The following AKT1 variants were observed in gnomAD, a reference collection of about 807,000 sequenced individuals.
AKT1 encodes AKT serine/threonine kinase 1, also known as RAC-alpha serine/threonine-protein kinase.
A neutral mutation model predicts 63.1 loss-of-function variants in AKT1; 21 were observed. The ratio of observed to expected loss-of-function variants is 0.33; its 90% CI spans 0.24 to 0.48. AKT1 has a LOEUF of 0.48. Among genes scored for constraint, AKT1 ranks in the 20% least tolerant of loss-of-function variants. The pLI is 0.99. For synonymous variants in AKT1, 257 were observed against 253.1 expected (o/e 1.02, Z -0.15); for missense variants, 382 against 666.0 (o/e 0.57, Z 4.69).
At chr14:104,782,133 G>A (rs2498791) in intron 3 of AKT1, among the ~76,000 whole-genome samples, 114 of 151,468 alleles carry the variant, frequency 7.5e-4, no homozygotes, top group Admixed American at 1.8e-3. Flanking sequence ...AGGCAGGGGC[G>A]CTCAGTGAGA....
chr14:104,792,937 T>C, intron 2 of AKT1, 190 bp downstream of exon 2: 5 of 572,534 alleles, frequency 8.7e-6, no homozygotes, highest in Admixed American at 6.1e-5. Context: ...GTCAAATCCA[T>C]GTAATTGAAC....
In AKT1 at chr14:104,777,228, AGCACACCCACACCTGGG is replaced by A. The variant is rs1239133118; in HGVS notation, c.176-475_176-459del. On this transcript the variant is annotated intron_variant, in intron 4 of 14. Coordinates refer to ENST00000649815, the MANE Select transcript of AKT1 (RefSeq NM_001382430.1). ...GTACCTGGGAAATACAGCCACCTGG[AGCACACCCACACCTGGG>A]GCACACCCACACCTGGGGCACAGGC... 2.2e-3 allele frequency: 416 copies of A among 187,402 alleles called. 2 individuals are homozygous for A. The highest frequency in any genetic ancestry group is 7.2e-3 in the African/African-American group (284 of 39,216). The allele number at this position is 187,402 out of a possible 1,614,324, so 11.6% of individuals were successfully genotyped here. A position where few individuals can be genotyped will look rare whatever the true frequency, so the allele number is the denominator to read the frequency against.
In AKT1 at chr14:104,780,318, A is replaced by G. The variant is rs35586636; in HGVS notation, c.47-102T>C. 5.4e-6 allele frequency: 8 copies of G among 1,491,532 alleles called. No homozygotes were observed. The African/African-American group carries it at 5.6e-5, about 10-fold the overall frequency. 92.4% of individuals were successfully genotyped at this position (1,491,532 alleles called of 1,614,324 possible). A position where few individuals can be genotyped will look rare whatever the true frequency, so the allele number is the denominator to read the frequency against. ...GTGTGCCAGGACAGATGTGCCTGGG[A>G]TGCCTGAGTCCCAGGGGGCAGGCGC... On this transcript the variant is annotated intron_variant, in intron 3 of 14. Transcript: ENST00000649815.
chr14:104,775,536 G>A, intron 6 of AKT1, 116 bp downstream of exon 6: 1 of 1,407,582 alleles, frequency 7.1e-7, no homozygotes, highest in Non-Finnish European at 9.5e-7. Context: ...CGGCCTAGGT[G>A]GAGATGCCGT....
intron 3 of AKT1, among the ~76,000 whole-genome samples, chr14:104,783,967 C>T (rs571919277): frequency 6.6e-5 from 10 of 152,324 alleles, no homozygotes; most frequent in African/African-American, 1.9e-4. Flanking sequence ...AGTGGGGGGC[C>T]GAGTGGAGGA....
intron 3 of AKT1, among the ~76,000 whole-genome samples, chr14:104,788,547 C>T (rs768088168): frequency 3.9e-5 from 6 of 152,232 alleles, no homozygotes; most frequent in African/African-American, 7.2e-5. Flanking sequence ...TCCCCCACCT[C>T]ACGCAGGGAC....
chr14:104,792,831 C>G, intron 2 of AKT1, 109 bp from the exon 3 acceptor site: 1 of 665,054 alleles, frequency 1.5e-6, no homozygotes, highest in Non-Finnish European at 2.6e-6. Flanking sequence ...TCCACCCGCA[C>G]CTGCCTTCCC....
At chr14:104,792,549 T>A (rs758723299) in intron 3 of AKT1, 49 bp downstream of exon 3, 6 of 1,604,638 alleles carry the variant, frequency 3.7e-6, no homozygotes, top group Admixed American at 1.7e-5. Flanking sequence ...CTGGGGCTAC[T>A]ACCCCCATCT....
chr14:104,789,718 C>T (rs1021418699), intron 3 of AKT1, among the ~76,000 whole-genome samples: 4 of 152,194 alleles, frequency 2.6e-5, no homozygotes, highest in East Asian at 1.9e-4. Flanking sequence ...GTGAGACAGC[C>T]GAAACAGGAG....
Position 104,780,120 on chromosome 14 carries a change from C to G in AKT1, c.143G>C (p.Arg48Pro), listed in dbSNP as rs774836044. The change falls in exon 4 of 15, where the codon CGT becomes CCT. Residue 48 changes from arginine (R) to proline (P), a missense_variant. This residue lies in a region of AKT1 where 226 missense variants were observed against 366.4 expected (regional missense o/e 0.62). Transcript: ENST00000649815. Reference protein sequence around the residue: ...YKERPQDVDQREAPLNNFSVA... With the variant: ...YKERPQDVDQPEAPLNNFSVA... Reference sequence around the variant, plus strand: ...AGAGAAGTTGTTGAGGGGAGCCTCACGTTGGTCCACATCCTGCGGCCGCTC... The same window carrying G: ...AGAGAAGTTGTTGAGGGGAGCCTCAGGTTGGTCCACATCCTGCGGCCGCTC... 1 of 1,613,684 alleles carries G rather than the reference C, an allele frequency of 6.2e-7. No individual in the cohort carries two copies. The highest frequency in any genetic ancestry group is 8.5e-7 in the Non-Finnish European group (1 of 1,179,966).
intron 3 of AKT1, among the ~76,000 whole-genome samples, chr14:104,783,107 C>T (rs909771976): frequency 1.3e-5 from 2 of 152,136 alleles, no homozygotes; most frequent in African/African-American, 4.8e-5. Context: ...TGCAGGCCTG[C>T]ACCTGCCTAC....
intron 3 of AKT1, among the ~76,000 whole-genome samples, chr14:104,786,720 TGTGGAGG>T (rs1893351565): frequency 6.6e-6 from 1 of 152,084 alleles, no homozygotes; most frequent in Non-Finnish European, 1.5e-5. Context: ...CACGGCCAGC[TGTGGAGG>T]GTGCTCCTTC....
At chr14:104,788,533 G>A (rs1282605399) in intron 3 of AKT1, among the ~76,000 whole-genome samples, 1 of 152,226 alleles carries the variant, frequency 6.6e-6, no homozygotes, top group East Asian at 1.9e-4. Context: ...TGTACCCTCT[G>A]AGGTCCCCCA....
chr14:104,770,713 G>A (rs1299721715), intron 14 of AKT1, 32 bp downstream of exon 14: 3 of 1,577,438 alleles, frequency 1.9e-6, no homozygotes, highest in East Asian at 2.2e-5. Flanking sequence ...GAGAGAAAAG[G>A]GAGTGGGCGG....
intron 3 of AKT1, among the ~76,000 whole-genome samples, chr14:104,788,038 C>A (rs1595260222): frequency 6.6e-6 from 1 of 152,200 alleles, no homozygotes; most frequent in Non-Finnish European, 1.5e-5. Flanking sequence ...CTGTTGGGAC[C>A]CCCACTCTCT....
chr14:104,779,217 G>A (rs1016755564), intron 4 of AKT1, among the ~76,000 whole-genome samples: 9 of 152,230 alleles, frequency 5.9e-5, no homozygotes, highest in African/African-American at 1.2e-4. Flanking sequence ...AGCAGGGAGC[G>A]TCACATGTCT....
chr14:104,775,539 G>T, intron 6 of AKT1, 113 bp downstream of exon 6: 1 of 1,420,670 alleles, frequency 7.0e-7, no homozygotes. Context: ...CCTAGGTGGA[G>T]ATGCCGTGGA....
intron 4 of AKT1, among the ~76,000 whole-genome samples, chr14:104,779,785 A>G (rs976191367): frequency 2.1e-5 from 3 of 145,262 alleles, no homozygotes; most frequent in African/African-American, 5.3e-5. Flanking sequence ...CAGCTCGGAG[A>G]CCCCTGCCCA....
At chr14:104,782,860 C>T (rs1302578204) in intron 3 of AKT1, among the ~76,000 whole-genome samples, 3 of 152,160 alleles carry the variant, frequency 2.0e-5, no homozygotes, top group Non-Finnish European at 2.9e-5. Flanking sequence ...CTTCATCTCT[C>T]GCCTAGAGGG....
Sources: allele counts gnomAD v4.1 joint callset (sites outside exome capture counted in the v4.1 genomes callset), GRCh38; gene constraint gnomAD v4.1.1; regional missense constraint gnomAD v4.1.1; transcripts MANE v1.5; gene names NCBI Gene and HGNC (gene_info 2026-07-23, HGNC 2026-07-21).